The following TBL1Y variants were observed in gnomAD, a reference collection of about 807,000 sequenced individuals.
TBL1Y encodes F-box-like/WD repeat-containing protein TBL1Y.
TBL1Y carries 15 observed loss-of-function variants against 12.0 expected under a neutral mutation model. That is an observed-to-expected ratio of 1.25 (90% CI 0.83 to 1.92). The LOEUF is 1.92. TBL1Y is among the 40% of genes most tolerant of loss of function. The pLI is 0.00. For missense variants in TBL1Y, 148 were observed against 116.7 expected (o/e 1.27, Z -1.24); for synonymous variants, 53 against 42.6 (o/e 1.24, Z -0.95).
chrY:6,964,803 A>G, intron 2 of TBL1Y, among the ~76,000 whole-genome samples: 1 of 32,368 alleles, frequency 3.1e-5, no homozygotes, highest in Non-Finnish European at 7.5e-5. Context: ...CAGTTCGGAC[A>G]GACGCTCCTG....
At chrY:7,000,486 G>A (rs769623320) in intron 4 of TBL1Y, among the ~76,000 whole-genome samples, 7 of 33,798 alleles carry the variant, frequency 2.1e-4, no homozygotes, top group Non-Finnish European at 3.6e-4. Context: ...CTTGTAAGGG[G>A]CAGGACTTAA....
chrY:7,062,585 C>T, intron 7 of TBL1Y, among the ~76,000 whole-genome samples: 1 of 33,037 alleles, frequency 3.0e-5, no homozygotes. Context: ...GGGTATTTCC[C>T]TTCTTGATGG....
At chrY:6,942,648 G>C (rs2011960204) in intron 2 of TBL1Y, among the ~76,000 whole-genome samples, 1 of 32,793 alleles carries the variant, frequency 3.0e-5, no homozygotes, top group Non-Finnish European at 7.5e-5. Context: ...GTGCATTTGC[G>C]GCTGGCTGAA....
rs1315144036 is a variant in TBL1Y at position 7,063,989 on chromosome Y, T to G, written c.297T>G (p.Phe99Leu). The G allele has an allele frequency of 2.5e-6, 1 of 398,441 alleles. No individual in the cohort carries two copies. The highest frequency in any genetic ancestry group is 9.2e-5 in the East Asian group (1 of 10,821). ...TGGTGCAGATGCGGCAGCAGGCATT[T>G]GGAGAGAAGCTCACTCAGCAGCAAG... is the stretch of plus-strand genomic sequence containing the variant. ...PDVVQMRQQA[F>L]GEKLTQQQAS... Residue 99 changes from phenylalanine (F) to leucine (L), a missense_variant, in exon 8 of 19, where the codon TTT becomes TTG. Physicochemically the swap from Phe to Leu is conservative, Grantham distance 22. Coordinates refer to ENST00000383032, the MANE Select transcript of TBL1Y (RefSeq NM_033284.2).
At chrY:6,922,658 GAC>G (rs2011790579) in intron 2 of TBL1Y, among the ~76,000 whole-genome samples, 1 of 34,376 alleles carries the variant, frequency 2.9e-5, no homozygotes, top group African/African-American at 1.1e-4. Context: ...CCTCTAGTTA[GAC>G]ACAGAGTGCT....
chrY:7,031,454 C>T (rs898029428), intron 6 of TBL1Y, among the ~76,000 whole-genome samples: 9 of 33,006 alleles, frequency 2.7e-4, no homozygotes, highest in Admixed American at 1.7e-3. Context: ...TTGTCACCTC[C>T]TGTTGGCCTG....
intron 6 of TBL1Y, among the ~76,000 whole-genome samples, chrY:7,037,029 T>G: frequency 5.9e-5 from 2 of 33,702 alleles, no homozygotes; most frequent in Non-Finnish European, 1.5e-4. Context: ...TCATTGTTAT[T>G]GCGATTATTG....
At position 7,066,662 on chromosome Y, in the gene TBL1Y, G is replaced by A. The variant is rs200306697; in HGVS notation, c.457+2513G>A. Among the ~76,000 whole-genome samples, 48 of 33,110 alleles carry A rather than the reference G, an allele frequency of 1.4e-3. No homozygotes were observed. In the East Asian group the frequency reaches 0.039, roughly 27 times the overall value. The allele number at this position is 33,110 out of a possible 37,273, so 88.8% of individuals were successfully genotyped here. On this transcript the variant is annotated intron_variant, in intron 8 of 18. Coordinates refer to ENST00000383032, the MANE Select transcript of TBL1Y (RefSeq NM_033284.2). Reference sequence around the variant, plus strand: ...ATTACCGGCGTCAGCCACCACGCCCGGCTAAGAACTGTTTTTTTTTTTTTT... The same window carrying A: ...ATTACCGGCGTCAGCCACCACGCCCAGCTAAGAACTGTTTTTTTTTTTTTT...
chrY:6,941,738 T>C, intron 2 of TBL1Y, among the ~76,000 whole-genome samples: 2 of 33,236 alleles, frequency 6.0e-5, no homozygotes. Flanking sequence ...TATGGGAAGA[T>C]GGTCTTCAGT....
intron 4 of TBL1Y, among the ~76,000 whole-genome samples, chrY:7,005,685 C>T: frequency 3.0e-5 from 1 of 33,228 alleles, no homozygotes; most frequent in Non-Finnish European, 7.4e-5. Context: ...AGCTTCCTAT[C>T]GTGCCTATTA....
chrY:6,918,666 T>C (rs2011753779), intron 2 of TBL1Y: 1 of 32,349 alleles, frequency 3.1e-5, no homozygotes, highest in Non-Finnish European at 7.5e-5. Flanking sequence ...CCATCCTCTT[T>C]CCTTGACCTC....
intron 2 of TBL1Y, among the ~76,000 whole-genome samples, chrY:6,953,361 G>T: frequency 3.0e-5 from 1 of 33,431 alleles, no homozygotes; most frequent in Non-Finnish European, 7.4e-5. Flanking sequence ...ATATTTCTTG[G>T]AGGCTTTGTT....
At chrY:6,957,822 T>C (rs2124113492) in intron 2 of TBL1Y, among the ~76,000 whole-genome samples, 1 of 33,711 alleles carries the variant, frequency 3.0e-5, no homozygotes, top group East Asian at 7.9e-4. Flanking sequence ...AGCATGTAGA[T>C]TAGATAAATT....
chrY:7,086,209 T>C, intron 15 of TBL1Y, 81 bp from the exon 16 acceptor site: 2 of 373,727 alleles, frequency 5.4e-6, no homozygotes, highest in South Asian at 3.1e-5. Context: ...GCCTCACTTA[T>C]GCACCCCGGA....
intron 2 of TBL1Y, among the ~76,000 whole-genome samples, chrY:6,941,000 C>G (rs2011948865): frequency 3.0e-5 from 1 of 33,608 alleles, no homozygotes; most frequent in Non-Finnish European, 7.3e-5. Context: ...CAACAAATGG[C>G]CTCCAAATTC....
intron 2 of TBL1Y, among the ~76,000 whole-genome samples, chrY:6,954,690 C>G: frequency 3.0e-5 from 1 of 33,451 alleles, no homozygotes; most frequent in Admixed American, 2.7e-4. Context: ...CCGACAAGCC[C>G]CAGTGAGATG....
intron 2 of TBL1Y, among the ~76,000 whole-genome samples, chrY:6,952,635 G>A: frequency 3.0e-5 from 1 of 33,275 alleles, no homozygotes. Flanking sequence ...TATCCAATTT[G>A]CCAGTCTGTG....
At chrY:7,031,259 A>G (rs2012654119) in intron 6 of TBL1Y, among the ~76,000 whole-genome samples, 1 of 33,465 alleles carries the variant, frequency 3.0e-5, no homozygotes, top group Non-Finnish European at 7.4e-5. Flanking sequence ...CACTCAACAC[A>G]CAGTGAGGTT....
intron 7 of TBL1Y, 69 bp from the exon 8 acceptor site, chrY:7,063,828 A>G: frequency 2.7e-6 from 1 of 376,644 alleles, no homozygotes; most frequent in South Asian, 3.1e-5. Context: ...TCCTGCCCAG[A>G]GAGTAGAGAC....
Sources: gnomAD v4.1 joint callset for allele counts (sites outside exome capture counted in the v4.1 genomes callset) on GRCh38, gnomAD v4.1.1 for gene constraint, MANE v1.5 for transcripts, NCBI Gene and HGNC (gene_info 2026-07-23, HGNC 2026-07-21) for gene names.